Variants in KCNIP4 observed in about 807,000 individuals in gnomAD.
The protein encoded by KCNIP4 is Kv channel-interacting protein 4.
In KCNIP4, 12 loss-of-function variants were observed where a neutral mutation model predicts 34.0. That is an observed-to-expected ratio of 0.35 (90% CI 0.23 to 0.57). The LOEUF (loss-of-function observed/expected upper bound fraction) is 0.57. KCNIP4 is among the 20% of genes least tolerant of loss of function. KCNIP4 has a pLI of 0.83. For missense variants in KCNIP4, 238 were observed against 311.7 expected (o/e 0.76, Z 1.78); for synonymous variants, 124 against 102.2 (o/e 1.21, Z -1.29).
intron 1 of KCNIP4, among the ~76,000 whole-genome samples, chr4:21,478,146 G>A (rs1460217131): frequency 6.6e-6 from 1 of 151,326 alleles, no homozygotes; most frequent in Non-Finnish European, 1.5e-5. Context: ...ATATGTTTTG[G>A]ACTTTTCCTT....
intron 3 of KCNIP4, among the ~76,000 whole-genome samples, chr4:20,802,220 C>A (rs950201616): frequency 1.1e-4 from 6 of 56,318 alleles, no homozygotes; most frequent in Non-Finnish European, 2.4e-4. Context: ...TACATATATG[C>A]TATACATATG....
chr4:21,308,539 T>C lies in KCNIP4; in HGVS notation c.62-425830A>G, dbSNP rs141656423. Among the ~76,000 whole-genome samples the C allele has an allele frequency of 2.4e-4, 36 of 152,320 alleles. No individual in the cohort carries two copies. In the East Asian group the frequency reaches 6.9e-3, roughly 29 times the overall value. ...GCTGATAGCTGCTTGCTGATGGTCATAACATTTTCCCATGTGTCTCATGTA... is the reference window on the plus strand; with the variant it reads ...GCTGATAGCTGCTTGCTGATGGTCACAACATTTTCCCATGTGTCTCATGTA... On this transcript the variant is annotated intron_variant, in intron 1 of 8. Coordinates refer to ENST00000382152, the MANE Select transcript of KCNIP4 (RefSeq NM_025221.6).
intron 1 of KCNIP4, among the ~76,000 whole-genome samples, chr4:21,710,570 CAT>C (rs953989994): frequency 9.2e-5 from 14 of 152,272 alleles, no homozygotes; most frequent in African/African-American, 3.4e-4. Flanking sequence ...GCTGCAAATT[CAT>C]ATGCAGATCC....
chr4:20,965,868 C>G (rs969778704), intron 1 of KCNIP4, among the ~76,000 whole-genome samples: 1 of 152,134 alleles, frequency 6.6e-6, no homozygotes, highest in African/African-American at 2.4e-5. Context: ...GGCTAACTTA[C>G]TATTTTGAGC....
At chr4:21,401,850 T>C (rs1479585383) in intron 1 of KCNIP4, among the ~76,000 whole-genome samples, 1 of 152,190 alleles carries the variant, frequency 6.6e-6, no homozygotes, top group Non-Finnish European at 1.5e-5. Flanking sequence ...ATGAGGAAAG[T>C]CCTTTAATGA....
chr4:21,100,912 T>TTC (rs3079769), intron 1 of KCNIP4, among the ~76,000 whole-genome samples: 68,425 of 151,780 alleles, frequency 0.45, 15,942 homozygotes, highest in African/African-American at 0.58. Flanking sequence ...TTTTGTATGA[T>TTC]TGTTTGTGTG....
At chr4:20,750,305 C>T (rs773028791) in intron 4 of KCNIP4, among the ~76,000 whole-genome samples, 2 of 152,056 alleles carry the variant, frequency 1.3e-5, no homozygotes, top group African/African-American at 4.8e-5. Context: ...AGCCCTCAGC[C>T]AGTACCAGGC....
At chr4:21,053,324 A>G (rs1743098188) in intron 1 of KCNIP4, among the ~76,000 whole-genome samples, 1 of 151,720 alleles carries the variant, frequency 6.6e-6, no homozygotes, top group Admixed American at 6.6e-5. Flanking sequence ...ACAACTAATT[A>G]AAAACATGTA....
intron 2 of KCNIP4, among the ~76,000 whole-genome samples, chr4:20,867,882 G>A (rs1277888962): frequency 6.6e-6 from 1 of 152,044 alleles, no homozygotes; most frequent in Non-Finnish European, 1.5e-5. Context: ...GCCTGTTGTG[G>A]GGTGGAGGGA....
At chr4:21,405,476 G>A (rs1723904708) in intron 1 of KCNIP4, among the ~76,000 whole-genome samples, 1 of 152,092 alleles carries the variant, frequency 6.6e-6, no homozygotes, top group South Asian at 2.1e-4. Context: ...CCTATTATTG[G>A]AGCCCGGTAT....
chr4:21,242,677 T>C (rs1455563792), intron 1 of KCNIP4, among the ~76,000 whole-genome samples: 9 of 152,064 alleles, frequency 5.9e-5, no homozygotes, highest in Non-Finnish European at 1.2e-4. Context: ...GCTGGGAAAT[T>C]GTTCTTTCAC....
At chr4:21,618,085 G>T (rs996625887) in intron 1 of KCNIP4, among the ~76,000 whole-genome samples, 4 of 152,286 alleles carry the variant, frequency 2.6e-5, no homozygotes, top group African/African-American at 9.6e-5. Context: ...GCTGAAGGTA[G>T]TAACATACTA....
intron 1 of KCNIP4, among the ~76,000 whole-genome samples, chr4:21,731,404 T>G (rs1034688261): frequency 5.3e-5 from 8 of 151,632 alleles, no homozygotes; most frequent in Admixed American, 3.3e-4. Context: ...GAAGGAGAGG[T>G]GGAGGAGGAG....
intron 1 of KCNIP4, among the ~76,000 whole-genome samples, chr4:20,966,787 G>A (rs1005548386): frequency 2.6e-5 from 4 of 152,140 alleles, no homozygotes; most frequent in African/African-American, 9.7e-5. Context: ...TCACACTAAA[G>A]TAACCATTAG....
At chr4:20,777,675 T>A (rs2149387469) in intron 3 of KCNIP4, among the ~76,000 whole-genome samples, 1 of 152,228 alleles carries the variant, frequency 6.6e-6, no homozygotes, top group Admixed American at 6.5e-5. Context: ...TTTATGGTAA[T>A]TTGTGACAGT....
intron 1 of KCNIP4, among the ~76,000 whole-genome samples, chr4:21,172,497 C>T (rs1218663070): frequency 6.6e-6 from 1 of 152,132 alleles, no homozygotes; most frequent in Non-Finnish European, 1.5e-5. Flanking sequence ...AATAATCTAA[C>T]ACATAAACTT....
intron 4 of KCNIP4, 78 bp downstream of exon 4, chr4:20,758,743 C>A: frequency 9.7e-7 from 1 of 1,027,796 alleles, no homozygotes; most frequent in South Asian, 1.4e-5. Context: ...TAGCATCATG[C>A]TATGAAAAAT....
intron 1 of KCNIP4, among the ~76,000 whole-genome samples, chr4:21,881,079 G>C (rs763117423): frequency 7.2e-5 from 11 of 152,064 alleles, no homozygotes; most frequent in Admixed American, 1.3e-4. Flanking sequence ...TCCTTACAGT[G>C]AATTATAATA....
At chr4:20,992,158 G>T (rs1183833741) in intron 1 of KCNIP4, among the ~76,000 whole-genome samples, 1 of 152,178 alleles carries the variant, frequency 6.6e-6, no homozygotes, top group Non-Finnish European at 1.5e-5. Flanking sequence ...AATTTATGAA[G>T]GAAAGAGGTT....
Sources: gnomAD v4.1 joint callset for allele counts (sites outside exome capture counted in the v4.1 genomes callset) on GRCh38, gnomAD v4.1.1 for gene constraint, MANE v1.5 for transcripts, NCBI Gene and HGNC (gene_info 2026-07-23, HGNC 2026-07-21) for gene names.